The following ZNF423 variants were observed in gnomAD, a reference collection of about 807,000 sequenced individuals.
ZNF423 encodes the protein Ebf-associated zinc finger protein.
In ZNF423, 12 loss-of-function variants were observed where a neutral mutation model predicts 95.8. That is an observed-to-expected ratio of 0.13 (90% CI 0.08 to 0.20). ZNF423 has a LOEUF of 0.20. Among genes scored for constraint, ZNF423 ranks in the 10% least tolerant of loss-of-function variants. ZNF423 has a pLI of 1.00. For missense variants in ZNF423, 1,316 were observed against 1,737.1 expected (o/e 0.76, Z 4.31); for synonymous variants, 749 against 711.9 (o/e 1.05, Z -0.83).
chr16:49,636,419 G>C lies in ZNF423; in HGVS notation c.2757C>G (p.Ile919Met), dbSNP rs778388741. 1 of 1,613,352 alleles carries C rather than the reference G, an allele frequency of 6.2e-7. No homozygotes were observed. The highest frequency in any genetic ancestry group is 8.5e-7 in the Non-Finnish European group (1 of 1,180,024). ...LQNHRLRDHN[I>M]RPGEDDGSRK... ...GTGAGCCATCATCCTCGCCCGGCCGGATATTGTGGTCCCGCAGCCGGTGAT... is the reference window on the plus strand; with the variant it reads ...GTGAGCCATCATCCTCGCCCGGCCGCATATTGTGGTCCCGCAGCCGGTGAT... Residue 919 changes from isoleucine to methionine, a missense_variant, in exon 4 of 8, where the codon ATC (isoleucine) becomes ATG (methionine). By Grantham distance (10) the Ile-to-Met change is conservative. Around this residue, in one of 6 missense-constraint regions of ZNF423, gnomAD observed 620 missense variants for 775.6 expected, o/e 0.80. Transcript: ENST00000563137. This position sits in a 1 kb window ranked among gnomAD's most constrained non-coding sequence, Gnocchi z 8.6.
At chr16:49,602,982 G>A (rs545814279) in intron 5 of ZNF423, among the ~76,000 whole-genome samples, 115 of 152,354 alleles carry the variant, frequency 7.5e-4, no homozygotes, top group Admixed American at 1.6e-3. Flanking sequence ...AGCAGCGCCC[G>A]CGTGGAGCCC....
intron 5 of ZNF423, among the ~76,000 whole-genome samples, chr16:49,546,855 G>A (rs1185473850): frequency 5.9e-5 from 9 of 152,150 alleles, no homozygotes; most frequent in African/African-American, 2.2e-4. Context: ...GGCAAAGCAA[G>A]AGAGAAGAAA....
At chr16:49,645,034 A>C (rs1973124251) in intron 3 of ZNF423, among the ~76,000 whole-genome samples, 2 of 152,176 alleles carry the variant, frequency 1.3e-5, no homozygotes. Flanking sequence ...ACAATACTCC[A>C]ACCATCAAGA....
intron 3 of ZNF423, among the ~76,000 whole-genome samples, chr16:49,710,389 A>T (rs377564981): frequency 1.2e-4 from 18 of 152,024 alleles, no homozygotes; most frequent in Admixed American, 9.8e-4. Context: ...AGAAATGTAG[A>T]CTCTCCGGCA....
At chr16:49,520,694 C>T (rs1362375391) in intron 7 of ZNF423, among the ~76,000 whole-genome samples, 1 of 152,198 alleles carries the variant, frequency 6.6e-6, no homozygotes, top group African/African-American at 2.4e-5. Context: ...ACTGCCCCAC[C>T]CAAACCCCCA....
intron 5 of ZNF423, among the ~76,000 whole-genome samples, chr16:49,564,419 A>T (rs1276776984): frequency 6.6e-6 from 1 of 152,188 alleles, no homozygotes; most frequent in Non-Finnish European, 1.5e-5. Flanking sequence ...AATGGGAAGG[A>T]ACCCCTTCTG....
At chr16:49,833,830 C>T (rs2035087598) in intron 1 of ZNF423, among the ~76,000 whole-genome samples, 1 of 124,764 alleles carries the variant, frequency 8.0e-6, no homozygotes, top group African/African-American at 3.0e-5. Context: ...GGCAGCAGGG[C>T]TGGGTGGGCA....
chr16:49,836,544 C>T (rs976079498), intron 1 of ZNF423, among the ~76,000 whole-genome samples: 3 of 152,138 alleles, frequency 2.0e-5, no homozygotes, highest in African/African-American at 4.8e-5. Flanking sequence ...AGGCACCAGG[C>T]ATGGGGCAGC....
intron 1 of ZNF423, among the ~76,000 whole-genome samples, chr16:49,845,830 C>T (rs1431008706): frequency 6.6e-6 from 1 of 152,064 alleles, no homozygotes; most frequent in African/African-American, 2.4e-5. Context: ...AGGCATAAGC[C>T]ACCACTGCAC....
intron 2 of ZNF423, among the ~76,000 whole-genome samples, chr16:49,779,931 T>C (rs1346295481): frequency 1.3e-5 from 2 of 151,980 alleles, no homozygotes. Flanking sequence ...GGGCAGATGG[T>C]CCCAAATCAA....
chr16:49,630,232 G>T (rs1038557742), intron 4 of ZNF423, among the ~76,000 whole-genome samples: 5 of 152,142 alleles, frequency 3.3e-5, no homozygotes, highest in African/African-American at 1.2e-4. Context: ...AGGGCCTGAG[G>T]TCTTCTCAGG....
intron 3 of ZNF423, chr16:49,664,203 G>A: frequency 3.0e-6 from 3 of 985,522 alleles, no homozygotes; most frequent in Non-Finnish European, 3.6e-6. Flanking sequence ...GGCTGGAGAG[G>A]CGCTTCCCAC....
intron 7 of ZNF423, among the ~76,000 whole-genome samples, chr16:49,515,894 G>A (rs543862532): frequency 3.3e-5 from 5 of 152,252 alleles, no homozygotes; most frequent in East Asian, 1.9e-4. Flanking sequence ...GGGCAGAGGC[G>A]ACCCCTCCCC....
At chr16:49,853,765 G>A (rs1462485261) in intron 1 of ZNF423, 3 of 985,298 alleles carry the variant, frequency 3.0e-6, no homozygotes, top group South Asian at 4.7e-5. Context: ...TTTAGAACTC[G>A]GTTCAAGCAA....
At chr16:49,710,460 A>C (rs1024594218) in intron 3 of ZNF423, among the ~76,000 whole-genome samples, 1 of 152,234 alleles carries the variant, frequency 6.6e-6, no homozygotes, top group Non-Finnish European at 1.5e-5. Context: ...ATAAGGACCT[A>C]AACGCCTAAG....
chr16:49,628,071 C>G (rs111067732), intron 4 of ZNF423, among the ~76,000 whole-genome samples: 6,517 of 150,540 alleles, frequency 0.043, 511 homozygotes, highest in African/African-American at 0.15. Flanking sequence ...ATATACATAC[C>G]CACCCATCCA....
intron 2 of ZNF423, among the ~76,000 whole-genome samples, chr16:49,731,932 G>C (rs1275332032): frequency 3.9e-5 from 6 of 152,238 alleles, no homozygotes; most frequent in Non-Finnish European, 8.8e-5. Context: ...GCACTGTGCA[G>C]AGAGTGGCTA....
chr16:49,699,476 C>T (rs909933990), intron 3 of ZNF423, among the ~76,000 whole-genome samples: 4 of 152,194 alleles, frequency 2.6e-5, no homozygotes, highest in Non-Finnish European at 4.4e-5. Context: ...CGCAAAGGCT[C>T]CTCCCACACC....
rs190339238 is a variant in ZNF423 at position 49,759,313 on chromosome 16, C to T, written c.101-28342G>A. ...ACTCGGGAGGCTGGGGCAGGAGAAT[C>T]GCTTGAACCCGGGAGGCGGAGGTTG... is the stretch of plus-strand genomic sequence containing the variant. On this transcript the variant is annotated intron_variant, in intron 2 of 7. Coordinates refer to ENST00000563137, the MANE Select transcript of ZNF423 (RefSeq NM_001379286.1). Among the ~76,000 whole-genome samples, 57 of 152,090 alleles carry T rather than the reference C, an allele frequency of 3.7e-4. No homozygotes were observed. In the East Asian group the frequency reaches 9.9e-3, roughly 26 times the overall value.
Sources: allele counts gnomAD v4.1 joint callset (sites outside exome capture counted in the v4.1 genomes callset), GRCh38; gene constraint gnomAD v4.1.1; regional missense constraint gnomAD v4.1.1; non-coding constraint Gnocchi (gnomAD v3.1); transcripts MANE v1.5; gene names NCBI Gene and HGNC (gene_info 2026-07-23, HGNC 2026-07-21).